Variants in LRP12 observed in about 807,000 individuals in gnomAD.
The protein encoded by LRP12 is LDL receptor related protein 12.
In LRP12, 14 loss-of-function variants were observed where a neutral mutation model predicts 66.0. The observed-to-expected ratio is 0.21, with a 90% CI of 0.14 to 0.33. LRP12 has a LOEUF of 0.33. Among genes scored for constraint, LRP12 ranks in the 10% least tolerant of loss-of-function variants. The pLI, the probability that LRP12 is intolerant of heterozygous loss-of-function variation, is 1.00. For synonymous variants in LRP12, 357 were observed against 359.1 expected (o/e 0.99, Z 0.07); for missense variants, 889 against 1,053.4 (o/e 0.84, Z 2.16).
chr8:104,584,827 T>G (rs1159442668), intron 1 of LRP12, among the ~76,000 whole-genome samples: 1 of 152,230 alleles, frequency 6.6e-6, no homozygotes, highest in Non-Finnish European at 1.5e-5. Flanking sequence ...AAGAAGTAAT[T>G]GGTATCTGGT....
chr8:104,540,264 C>T (rs1811455730), intron 1 of LRP12, among the ~76,000 whole-genome samples: 1 of 152,080 alleles, frequency 6.6e-6, no homozygotes, highest in African/African-American at 2.4e-5. Flanking sequence ...TACCAGAAAC[C>T]AACCCTGACA....
intron 2 of LRP12, among the ~76,000 whole-genome samples, chr8:104,517,144 T>C (rs1362072416): frequency 6.6e-6 from 1 of 150,672 alleles, no homozygotes; most frequent in Non-Finnish European, 1.5e-5. Flanking sequence ...CAATGACATA[T>C]ACTTTTTAAC....
chr8:104,510,640 G>A (rs1163906823), intron 2 of LRP12, among the ~76,000 whole-genome samples: 1 of 152,144 alleles, frequency 6.6e-6, no homozygotes, highest in Admixed American at 6.5e-5. Flanking sequence ...CAACAAATTA[G>A]ATTACTTGAT....
intron 2 of LRP12, among the ~76,000 whole-genome samples, chr8:104,516,058 TCAAC>T (rs1470749230): frequency 1.1e-4 from 16 of 152,164 alleles, no homozygotes; most frequent in Non-Finnish European, 1.9e-4. Flanking sequence ...CCAGCCAGTA[TCAAC>T]TTTTTGTTTT....
intron 1 of LRP12, chr8:104,566,200 G>A: frequency 1.5e-6 from 1 of 685,080 alleles, no homozygotes; most frequent in Non-Finnish European, 2.2e-6. Flanking sequence ...GCAAATCCCT[G>A]AAAATGCAGC....
chr8:104,522,641 G>A (rs1412048533), intron 2 of LRP12, among the ~76,000 whole-genome samples: 1 of 152,002 alleles, frequency 6.6e-6, no homozygotes, highest in African/African-American at 2.4e-5. Context: ...ATTGGTAATT[G>A]GAAATACCAT....
At chr8:104,527,576 G>C (rs1008116608) in intron 2 of LRP12, among the ~76,000 whole-genome samples, 2 of 151,440 alleles carry the variant, frequency 1.3e-5, no homozygotes, top group Non-Finnish European at 2.9e-5. Flanking sequence ...GTAAACTATC[G>C]CAAGGACAAA....
intron 3 of LRP12, chr8:104,506,044 A>G (rs555149270): frequency 6.6e-6 from 1 of 152,302 alleles, no homozygotes; most frequent in East Asian, 1.9e-4. Context: ...TTCAGTTTTT[A>G]CAGATATCTA....
intron 1 of LRP12, among the ~76,000 whole-genome samples, chr8:104,586,488 C>T (rs925358373): frequency 2.0e-5 from 3 of 152,122 alleles, no homozygotes; most frequent in African/African-American, 7.2e-5. Flanking sequence ...ATTTTTGAAG[C>T]CTTTTAAAAC....
intron 1 of LRP12, among the ~76,000 whole-genome samples, chr8:104,551,340 CTCA>C (rs1198052764): frequency 1.3e-5 from 2 of 152,052 alleles, no homozygotes; most frequent in African/African-American, 2.4e-5. Flanking sequence ...TACCACAATC[CTCA>C]TCATATTTTG....
chr8:104,533,444 G>C (rs57149580), intron 1 of LRP12, among the ~76,000 whole-genome samples: 2,572 of 152,122 alleles, frequency 0.017, 72 homozygotes, highest in African/African-American at 0.058. Flanking sequence ...GGCCACCTTG[G>C]GAGTGTGCTA....
intron 1 of LRP12, among the ~76,000 whole-genome samples, chr8:104,539,713 T>C (rs1811445706): frequency 1.3e-5 from 2 of 152,216 alleles, no homozygotes; most frequent in East Asian, 3.9e-4. Context: ...TAAATTTCTT[T>C]CTTAGTTTTA....
chr8:104,561,344 A>G (rs1488329571), intron 1 of LRP12, among the ~76,000 whole-genome samples: 1 of 152,148 alleles, frequency 6.6e-6, no homozygotes. Context: ...CCTACTTTTC[A>G]TAAGACTCAG....
At chr8:104,574,375 A>G (rs1812128281) in intron 1 of LRP12, among the ~76,000 whole-genome samples, 1 of 152,218 alleles carries the variant, frequency 6.6e-6, no homozygotes, top group South Asian at 2.1e-4. Context: ...GCGACCCGAA[A>G]GTTTGGAAAC....
At chr8:104,546,786 C>T (rs1401405869) in intron 1 of LRP12, among the ~76,000 whole-genome samples, 3 of 151,042 alleles carry the variant, frequency 2.0e-5, no homozygotes, top group East Asian at 1.9e-4. Context: ...AAGAGGCATG[C>T]CATTTTTAGG....
chr8:104,514,842 G>A (rs1326688589), intron 2 of LRP12, among the ~76,000 whole-genome samples: 2 of 152,194 alleles, frequency 1.3e-5, no homozygotes, highest in African/African-American at 4.8e-5. Flanking sequence ...ACAGTAAACT[G>A]TCAGTAAACA....
chr8:104,554,199 C>G (rs986630159), intron 1 of LRP12, among the ~76,000 whole-genome samples: 5 of 152,116 alleles, frequency 3.3e-5, no homozygotes, highest in Non-Finnish European at 7.4e-5. Flanking sequence ...AATTCTGGCA[C>G]TATAACAAAA....
At chr8:104,554,834 A>G (rs1811780908) in intron 1 of LRP12, among the ~76,000 whole-genome samples, 1 of 152,210 alleles carries the variant, frequency 6.6e-6, no homozygotes, top group South Asian at 2.1e-4. Flanking sequence ...CAGGTTATCT[A>G]AAGTCAAGAT....
chr8:104,538,649 C>CT (rs1035061192), intron 1 of LRP12, among the ~76,000 whole-genome samples: 21 of 152,160 alleles, frequency 1.4e-4, no homozygotes, highest in South Asian at 8.3e-4. Context: ...CATCATGGGC[C>CT]TCCTAATGGA....
Sources: gnomAD v4.1 joint callset for allele counts (sites outside exome capture counted in the v4.1 genomes callset) on GRCh38, gnomAD v4.1.1 for gene constraint, MANE v1.5 for transcripts, NCBI Gene and HGNC (gene_info 2026-07-23, HGNC 2026-07-21) for gene names.